PRKAG2: variants seen among roughly 807,000 people sequenced by gnomAD.
PRKAG2 encodes the protein protein kinase AMP-activated non-catalytic subunit gamma 2.
A neutral mutation model predicts 69.6 loss-of-function variants in PRKAG2; 26 were observed. The observed-to-expected ratio is 0.37, with a 90% CI of 0.27 to 0.52. The LOEUF is 0.52. PRKAG2 is among the 20% of genes least tolerant of loss of function. The pLI is 0.90. For missense variants in PRKAG2, 557 were observed against 740.0 expected, an observed-to-expected ratio of 0.75 and a Z score of 2.87; for synonymous variants, 293 against 285.0, an observed-to-expected ratio of 1.03 and a Z score of -0.28.
At chr7:151,721,028 G>A (rs1054495310) in intron 3 of PRKAG2, among the ~76,000 whole-genome samples, 5 of 140,206 alleles carry the variant, frequency 3.6e-5, no homozygotes, top group Non-Finnish European at 1.5e-5. Context: ...ACAGAGGGGG[G>A]TGAAAAAGGA....
At chr7:151,629,685 G>A (rs543733509) in intron 5 of PRKAG2, among the ~76,000 whole-genome samples, 1 of 152,142 alleles carries the variant, frequency 6.6e-6, no homozygotes, top group Admixed American at 6.5e-5. Flanking sequence ...TTAGGAAATA[G>A]AAAAATCTTG....
At chr7:151,854,956 C>T (rs1162089082) in intron 1 of PRKAG2, among the ~76,000 whole-genome samples, 9 of 142,262 alleles carry the variant, frequency 6.3e-5, no homozygotes, top group African/African-American at 2.3e-4. Flanking sequence ...CCACCACTCT[C>T]CACATACCAC....
chr7:151,866,019 C>CAA lies in PRKAG2; in HGVS notation c.114+10486_114+10487dup, dbSNP rs61697386. Reference sequence around the variant, plus strand: ...TGGGTGACAGAGCAAGACTCTGTCTCAAAAAAAAAAAAAAAAGAAAAAGAA... The same window carrying CAA: ...TGGGTGACAGAGCAAGACTCTGTCTCAAAAAAAAAAAAAAAAAAGAAAAAGAA... On this transcript the variant is annotated intron_variant, in intron 1 of 15. Coordinates refer to ENST00000287878, the MANE Select transcript of PRKAG2 (RefSeq NM_016203.4). 6.0e-4 allele frequency among the ~76,000 whole-genome samples: 57 copies of CAA among 95,652 alleles called. 1 individual carries two copies. Among genetic ancestry groups the CAA allele is most frequent in the East Asian group, 2.4e-3 (9 of 3,762 alleles). The allele number at this position is 95,652 out of a possible 152,430, so 62.8% of individuals were successfully genotyped here.
At chr7:151,639,200 G>T (rs1826253350) in intron 4 of PRKAG2, among the ~76,000 whole-genome samples, 1 of 152,156 alleles carries the variant, frequency 6.6e-6, no homozygotes. Flanking sequence ...AGTCCTCTGG[G>T]TCTTGCCGTC....
chr7:151,686,059 C>T (rs1006054452), intron 3 of PRKAG2, among the ~76,000 whole-genome samples: 6 of 152,046 alleles, frequency 3.9e-5, no homozygotes, highest in Non-Finnish European at 7.4e-5. Flanking sequence ...GAGTCTAACC[C>T]GACATGCTGA....
chr7:151,704,739 A>C (rs11770799), intron 3 of PRKAG2, among the ~76,000 whole-genome samples: 3,026 of 152,284 alleles, frequency 0.02, 55 homozygotes, highest in Non-Finnish European at 0.026. Flanking sequence ...ATCTACTGCA[A>C]TCCACGCGGC....
intron 3 of PRKAG2, among the ~76,000 whole-genome samples, chr7:151,711,087 G>A (rs957926011): frequency 5.9e-5 from 9 of 152,148 alleles, no homozygotes; most frequent in Non-Finnish European, 8.8e-5. Flanking sequence ...ACAGTGCTAG[G>A]CCTAGAGTAT....
intron 1 of PRKAG2, among the ~76,000 whole-genome samples, chr7:151,839,170 G>A (rs531378720): frequency 6.6e-5 from 10 of 152,194 alleles, no homozygotes; most frequent in African/African-American, 4.8e-5. Flanking sequence ...ACCAGGGCTC[G>A]CTGCACCAGA....
At chr7:151,596,322 T>C (rs773808181) in intron 5 of PRKAG2, among the ~76,000 whole-genome samples, 10 of 152,150 alleles carry the variant, frequency 6.6e-5, no homozygotes, top group Non-Finnish European at 1.3e-4. Flanking sequence ...TATACACTAA[T>C]AGACAACTAT....
intron 11 of PRKAG2, 54 bp downstream of exon 11, chr7:151,568,662 A>T: frequency 1.3e-6 from 2 of 1,591,112 alleles, no homozygotes; most frequent in Non-Finnish European, 1.7e-6. Context: ...CTTGAAGTAC[A>T]TTATTTAATA....
chr7:151,742,895 G>A (rs1427745169), intron 3 of PRKAG2, among the ~76,000 whole-genome samples: 1 of 152,180 alleles, frequency 6.6e-6, no homozygotes. Flanking sequence ...CAAAGCTTTG[G>A]ATCCCACGAT....
chr7:151,773,117 A>C (rs1563640988), intron 3 of PRKAG2, among the ~76,000 whole-genome samples: 6 of 130,566 alleles, frequency 4.6e-5, no homozygotes, highest in Non-Finnish European at 1.7e-5. Flanking sequence ...AGGGAAGGGA[A>C]GGAAGGAAAG....
intron 1 of PRKAG2, among the ~76,000 whole-genome samples, chr7:151,869,624 G>A (rs2080165700): frequency 6.6e-6 from 1 of 152,246 alleles, no homozygotes; most frequent in South Asian, 2.1e-4. Flanking sequence ...CGCCCTCTGT[G>A]TGGTAGAGTC....
At chr7:151,830,309 G>A (rs937019162) in intron 1 of PRKAG2, among the ~76,000 whole-genome samples, 9 of 151,874 alleles carry the variant, frequency 5.9e-5, no homozygotes, top group African/African-American at 7.2e-5. Context: ...GCCAAGTCCC[G>A]CCACCTGCAC....
At chr7:151,635,919 G>A (rs1825659650) in intron 4 of PRKAG2, among the ~76,000 whole-genome samples, 1 of 149,924 alleles carries the variant, frequency 6.7e-6, no homozygotes, top group African/African-American at 2.5e-5. Flanking sequence ...CCAGGCTGGA[G>A]TGCAGTGGTG....
At chr7:151,698,475 G>A (rs909801432) in intron 3 of PRKAG2, among the ~76,000 whole-genome samples, 2 of 152,124 alleles carry the variant, frequency 1.3e-5, no homozygotes, top group Non-Finnish European at 2.9e-5. Flanking sequence ...GGGGGCGAAT[G>A]TCGTGGTGCT....
rs1005008350 is a variant in PRKAG2 at position 151,777,081 on chromosome 7, C to T, written c.466+4071G>A. On this transcript the variant is annotated intron_variant, in intron 3 of 15. Coordinates refer to ENST00000287878, the MANE Select transcript of PRKAG2 (RefSeq NM_016203.4). The surrounding 1 kb of genome is among the most constrained non-coding windows in gnomAD (Gnocchi z 4.3). The stretch of plus-strand genomic sequence containing the variant: ...GGACTCACTCTCTGACTCCACCTGC[C>T]TGTCTCGGCCCCTGGCTTTAAGGAA... Among the ~76,000 whole-genome samples the T allele has an allele frequency of 2.6e-5, 4 of 152,172 alleles. No individual in the cohort carries two copies. The highest frequency in any genetic ancestry group is 2.6e-4 in the Admixed American group (4 of 15,286).
At chr7:151,784,471 G>A (rs1198746902) in intron 2 of PRKAG2, among the ~76,000 whole-genome samples, 1 of 152,230 alleles carries the variant, frequency 6.6e-6, no homozygotes, top group Non-Finnish European at 1.5e-5. Flanking sequence ...GCTGAAACCT[G>A]CCCCTTAACA....
chr7:151,617,410 T>C (rs1490824074), intron 5 of PRKAG2, among the ~76,000 whole-genome samples: 1 of 151,998 alleles, frequency 6.6e-6, no homozygotes, highest in African/African-American at 2.4e-5. Context: ...AGGGTGTTGA[T>C]GAAACAAGGC....
Sources: gnomAD v4.1 joint callset for allele counts (sites outside exome capture counted in the v4.1 genomes callset) on GRCh38, gnomAD v4.1.1 for gene constraint, Gnocchi (gnomAD v3.1) non-coding constraint, MANE v1.5 for transcripts, NCBI Gene and HGNC (gene_info 2026-07-23, HGNC 2026-07-21) for gene names.